The following PIP5K1C variants were observed in gnomAD, a reference collection of about 807,000 sequenced individuals.
PIP5K1C encodes phosphatidylinositol-4-phosphate 5-kinase type 1 gamma.
PIP5K1C carries 45 observed loss-of-function variants against 80.1 expected under a neutral mutation model. The observed-to-expected ratio is 0.56, with a 90% CI of 0.44 to 0.72. The LOEUF (loss-of-function observed/expected upper bound fraction) is 0.72, where lower values mean the gene tolerates loss of function less well. Among genes scored for constraint, PIP5K1C ranks in the 30% least tolerant of loss-of-function variants. The probability of loss-of-function intolerance (pLI) is 0.00; values close to 1 mark genes in which losing one functional copy is unlikely to be tolerated. For synonymous variants in PIP5K1C, 498 were observed against 420.1 expected (o/e 1.19, Z -2.27); for missense variants, 753 against 954.6 (o/e 0.79, Z 2.78).
At chr19:3,656,829 A>T (rs1020444368) in intron 5 of PIP5K1C, among the ~76,000 whole-genome samples, 1 of 152,204 alleles carries the variant, frequency 6.6e-6, no homozygotes, top group African/African-American at 2.4e-5. Flanking sequence ...CGGACACCTG[A>T]TCGCACCGGG....
chr19:3,678,852 G>A (rs1395224055), intron 1 of PIP5K1C, among the ~76,000 whole-genome samples: 2 of 144,154 alleles, frequency 1.4e-5, no homozygotes, highest in Admixed American at 6.8e-5. Context: ...AGGGAGGGAT[G>A]GAGGGATGGC....
At chr19:3,679,650 T>C (rs2035525619) in intron 1 of PIP5K1C, among the ~76,000 whole-genome samples, 1 of 152,024 alleles carries the variant, frequency 6.6e-6, no homozygotes. Context: ...GGTCCTCAGC[T>C]GTGGAGGGGG....
At chr19:3,633,848 T>A (rs1199863907) in intron 16 of PIP5K1C, among the ~76,000 whole-genome samples, 1 of 151,556 alleles carries the variant, frequency 6.6e-6, no homozygotes, top group East Asian at 1.9e-4. Context: ...CGAGTGTTCC[T>A]CCTCCTCCTC....
chr19:3,683,418 G>A (rs1007113913), intron 1 of PIP5K1C, among the ~76,000 whole-genome samples: 2 of 152,200 alleles, frequency 1.3e-5, no homozygotes, highest in Admixed American at 1.3e-4. Flanking sequence ...GAGCCACCCT[G>A]GAACAGCTGG....
chr19:3,681,610 G>A (rs1273048470), intron 1 of PIP5K1C, among the ~76,000 whole-genome samples: 1 of 152,110 alleles, frequency 6.6e-6, no homozygotes, highest in Non-Finnish European at 1.5e-5. Context: ...CTGGTGCTCT[G>A]CAAGCTGCGT....
chr19:3,683,305 G>T (rs1342211488), intron 1 of PIP5K1C, among the ~76,000 whole-genome samples: 1 of 152,172 alleles, frequency 6.6e-6, no homozygotes, highest in East Asian at 1.9e-4. Context: ...GGAGTTCCAC[G>T]GAGATCTGGG....
At position 3,687,478 on chromosome 19, in the gene PIP5K1C, G is replaced by T. The variant is rs577987597; in HGVS notation, c.94+12819C>A. On this transcript the variant is annotated intron_variant, in intron 1 of 17. Transcript: ENST00000335312. Reference sequence around the variant, plus strand: ...GGGAGCGGTGAGGGCCTGTGGGAAGGGGACACAGACGCACATACACGCACA... The same window carrying T: ...GGGAGCGGTGAGGGCCTGTGGGAAGTGGACACAGACGCACATACACGCACA... Among the ~76,000 whole-genome samples the T allele has an allele frequency of 8.3e-5, 12 of 144,644 alleles. No homozygotes were observed. The South Asian group carries it at 2.6e-3, about 32-fold the overall frequency. The allele number at this position is 144,644 out of a possible 152,430, so 94.9% of individuals were successfully genotyped here.
intron 1 of PIP5K1C, among the ~76,000 whole-genome samples, chr19:3,671,685 G>C (rs909625302): frequency 1.3e-5 from 2 of 152,196 alleles, no homozygotes; most frequent in Admixed American, 1.3e-4. Context: ...GACCAGAGCC[G>C]AGTGTCCTGT....
rs1409307573 is a variant in PIP5K1C at position 3,648,028 on chromosome 19, T to G, written c.1211+597A>C. 1.3e-5 allele frequency among the ~76,000 whole-genome samples: 2 copies of G among 152,176 alleles called. No homozygotes were observed. The highest frequency in any genetic ancestry group is 3.9e-4 in the East Asian group (2 of 5,182). Reference sequence around the variant, plus strand: ...AAACCCACTCCTTGGATTTTCTTTTTTCTTTTTTTTTGGGACAGGGTCTTG... The same window carrying G: ...AAACCCACTCCTTGGATTTTCTTTTGTCTTTTTTTTTGGGACAGGGTCTTG... On this transcript the variant is annotated intron_variant, in intron 9 of 17. Coordinates refer to ENST00000335312, the MANE Select transcript of PIP5K1C (RefSeq NM_012398.3). The surrounding 1 kb of genome is among the most constrained non-coding windows in gnomAD (Gnocchi z 4.3).
At chr19:3,687,146 T>C (rs1188493886) in intron 1 of PIP5K1C, among the ~76,000 whole-genome samples, 3 of 152,038 alleles carry the variant, frequency 2.0e-5, no homozygotes, top group Non-Finnish European at 4.4e-5. Flanking sequence ...TGGGCTGAGA[T>C]CATGCCACTG....
At chr19:3,645,014 C>T (rs185220324) in intron 11 of PIP5K1C, among the ~76,000 whole-genome samples, 4 of 152,356 alleles carry the variant, frequency 2.6e-5, no homozygotes, top group African/African-American at 7.2e-5. Context: ...ACAGGCTCAA[C>T]GGCTGGCTCT....
At chr19:3,682,607 T>G (rs1253382450) in intron 1 of PIP5K1C, among the ~76,000 whole-genome samples, 3 of 152,050 alleles carry the variant, frequency 2.0e-5, no homozygotes, top group Non-Finnish European at 4.4e-5. Flanking sequence ...GAAGACTGCT[T>G]GAGCCCCAGA....
At chr19:3,666,902 T>C (rs564814174) in intron 2 of PIP5K1C, among the ~76,000 whole-genome samples, 1 of 152,272 alleles carries the variant, frequency 6.6e-6, no homozygotes, top group African/African-American at 2.4e-5. Flanking sequence ...GTGCAGCTGG[T>C]AGCCTCGGGC....
chr19:3,643,356 C>T lies in PIP5K1C; in HGVS notation c.1536G>A (p.Thr512=), dbSNP rs779419757. 18 of 1,613,750 alleles carry T rather than the reference C, an allele frequency of 1.1e-5. No homozygotes were observed. The highest frequency in any genetic ancestry group is 1.4e-5 in the Non-Finnish European group (17 of 1,179,936). ...DEGRPDLLPC[T]PPSFEEATTA... ...TAGTGGCTTCTTCGAAAGAAGGTGGCGTGCAGGGCAGGAGGTCGGGCCGGC... is the reference window on the plus strand; with the variant it reads ...TAGTGGCTTCTTCGAAAGAAGGTGGTGTGCAGGGCAGGAGGTCGGGCCGGC... The change falls in exon 13 of 18, where the codon ACG becomes ACA. Residue 512 remains threonine (T), a synonymous_variant. Coordinates refer to ENST00000335312, the MANE Select transcript of PIP5K1C (RefSeq NM_012398.3).
chr19:3,640,572 T>C (rs2033918259), intron 15 of PIP5K1C, among the ~76,000 whole-genome samples: 1 of 152,178 alleles, frequency 6.6e-6, no homozygotes, highest in Non-Finnish European at 1.5e-5. Flanking sequence ...CCAGAACTAT[T>C]GTGTCCTGTG....
rs2034639884 is a variant in PIP5K1C at position 3,656,560 on chromosome 19, G to A, written c.469-3C>T. On this transcript the variant is annotated splice_polypyrimidine_tract_variant and splice_region_variant and intron_variant, in intron 5 of 17. Coordinates refer to ENST00000335312, the MANE Select transcript of PIP5K1C (RefSeq NM_012398.3). ...AGCGGCTCATTGCACAGGGAGTACT[G>A]GAAGCAGAGGAGGCGGGTCAGCGGG... 1 of 1,613,392 alleles carries A rather than the reference G, an allele frequency of 6.2e-7. No homozygotes were observed. Among genetic ancestry groups the A allele is most frequent in the Admixed American group, 1.7e-5 (1 of 60,030 alleles).
chr19:3,650,190 C>T (rs562237647), intron 8 of PIP5K1C, among the ~76,000 whole-genome samples: 1 of 152,302 alleles, frequency 6.6e-6, no homozygotes, highest in South Asian at 2.1e-4. Flanking sequence ...CCAGCCAGTG[C>T]CAGCCAGCAC....
intron 2 of PIP5K1C, among the ~76,000 whole-genome samples, chr19:3,666,372 G>A (rs2035008820): frequency 2.0e-5 from 3 of 152,258 alleles, no homozygotes; most frequent in Non-Finnish European, 4.4e-5. Flanking sequence ...CACGGGGCTG[G>A]CAGAAGCTGC....
At chr19:3,639,514 C>T (rs1247845964) in intron 15 of PIP5K1C, among the ~76,000 whole-genome samples, 1 of 152,214 alleles carries the variant, frequency 6.6e-6, no homozygotes, top group African/African-American at 2.4e-5. Flanking sequence ...TCACTACAGC[C>T]TCCACCGCCC....
Sources: allele counts gnomAD v4.1 joint callset (sites outside exome capture counted in the v4.1 genomes callset), GRCh38; gene constraint gnomAD v4.1.1; non-coding constraint Gnocchi (gnomAD v3.1); transcripts MANE v1.5; gene names NCBI Gene and HGNC (gene_info 2026-07-23, HGNC 2026-07-21).